The following PCDHGA3 variants were observed in gnomAD, a reference collection of about 807,000 sequenced individuals.
The protein encoded by PCDHGA3 is protocadherin gamma-A3.
A neutral mutation model predicts 58.5 loss-of-function variants in PCDHGA3; 40 were observed. The ratio of observed to expected loss-of-function variants is 0.68; its 90% CI spans 0.53 to 0.89. The LOEUF (loss-of-function observed/expected upper bound fraction) is 0.89, where lower values mean the gene tolerates loss of function less well. PCDHGA3 is among the 40% of genes least tolerant of loss of function. The pLI is 0.00. For synonymous variants in PCDHGA3, 530 were observed against 525.7 expected (o/e 1.01, Z -0.11); for missense variants, 1,223 against 1,195.9 (o/e 1.02, Z -0.33).
rs773048793 is a variant in PCDHGA3, at chr5:141,505,456, A to T, written c.2547A>T (p.Gln849His). The T allele has an allele frequency of 1.3e-5, 21 of 1,614,110 alleles. No homozygotes were observed. The highest frequency in any genetic ancestry group is 1.7e-5 in the Non-Finnish European group (20 of 1,180,044). The change falls in exon 3 of 4, where the codon CAA becomes CAT. Residue 849 changes from glutamine (Q) to histidine (H), a missense_variant. By Grantham distance (24) the Gln-to-His change is conservative (BLOSUM62 0). Coordinates refer to ENST00000253812, the MANE Select transcript of PCDHGA3 (RefSeq NM_018916.4). ...ACCAGTTTGACACAGAGATGCTGCA[A>T]GCCATGATCTTGGCGTCCGCCAGTG... ...PNNQFDTEML[Q>H]AMILASASEA...
rs1562137380 is a variant in PCDHGA3, at chr5:141,490,297, G to T, written c.2425-4510G>T. On this transcript the variant is annotated intron_variant, in intron 1 of 3. Coordinates refer to ENST00000253812, the MANE Select transcript of PCDHGA3 (RefSeq NM_018916.4). This position sits in a 1 kb window ranked among gnomAD's most constrained non-coding sequence, Gnocchi z 5.4. The stretch of plus-strand genomic sequence containing the variant: ...TGACAATGCCCCAGAGGTGCTATTG[G>T]CCTCTTTGGCCAACCCTGTCCTAGA... 2 of 1,614,202 alleles carry T rather than the reference G, an allele frequency of 1.2e-6. No individual in the cohort carries two copies. Among genetic ancestry groups the T allele is most frequent in the South Asian group, 1.1e-5 (1 of 91,086 alleles).
chr5:141,405,351 C>G, intron 1 of PCDHGA3: 1 of 1,614,080 alleles, frequency 6.2e-7, no homozygotes, highest in Non-Finnish European at 8.5e-7. Flanking sequence ...TCCAAGTTTC[C>G]TATAGAAGAC....
At chr5:141,450,898 C>T (rs929869116) in intron 1 of PCDHGA3, among the ~76,000 whole-genome samples, 12 of 150,412 alleles carry the variant, frequency 8.0e-5, no homozygotes, top group African/African-American at 2.9e-4. Context: ...GATATCGGCT[C>T]ACTGCAACCG....
chr5:141,356,836 G>A, intron 1 of PCDHGA3: 1 of 1,614,160 alleles, frequency 6.2e-7, no homozygotes, highest in Non-Finnish European at 8.5e-7. Context: ...CAGCAGCAAT[G>A]TGTCACTGAG....
chr5:141,449,693 G>A (rs2098652097), intron 1 of PCDHGA3, among the ~76,000 whole-genome samples: 1 of 150,164 alleles, frequency 6.7e-6, no homozygotes, highest in South Asian at 2.1e-4. Flanking sequence ...TTGTGTGTAT[G>A]TACACAAACA....
At position 141,345,822 on chromosome 5, in the gene PCDHGA3, G is replaced by A; in HGVS notation, c.1789G>A (p.Asp597Asn). The A allele has an allele frequency of 4.3e-6, 7 of 1,613,726 alleles. No homozygotes were observed. Among genetic ancestry groups the A allele is most frequent in the Non-Finnish European group, 5.9e-6 (7 of 1,180,008 alleles). Residue 597 changes from aspartate (D) to asparagine (N), a missense_variant, in exon 1 of 4, where the codon GAC becomes AAC. Asp to Asn is a conservative substitution (Grantham distance 23). Transcript: ENST00000253812. ...LVTKVVAVDR[D>N]SGQNAWLSYR... ...GACCAAGGTGGTGGCGGTGGACAGA[G>A]ACTCGGGCCAGAACGCCTGGCTGTC...
chr5:141,464,063 A>G (rs893270944), intron 1 of PCDHGA3, among the ~76,000 whole-genome samples: 2 of 152,016 alleles, frequency 1.3e-5, no homozygotes, highest in Non-Finnish European at 2.9e-5. Flanking sequence ...TCAGGAGTTC[A>G]AGGCCAGCCT....
rs760153018 is a variant in PCDHGA3, at chr5:141,344,534, G to A, written c.501G>A (p.Leu167=). ...ACCCAGATGTAGGCATTAACTCCCT[G>A]CAGAACTACAAGCTTAGCCCCAATG... ...AFDPDVGINS[L]QNYKLSPNDY... The change falls in exon 1 of 4, where the codon CTG becomes CTA. Residue 167 remains leucine, a synonymous_variant. Transcript: ENST00000253812. The A allele has an allele frequency of 2.5e-5, 40 of 1,613,862 alleles. No individual in the cohort carries two copies. The Middle Eastern group carries it at 4.9e-4, about 20-fold the overall frequency.
intron 1 of PCDHGA3, chr5:141,478,553 T>G (rs1593930915): frequency 6.2e-7 from 1 of 1,602,704 alleles, no homozygotes; most frequent in Non-Finnish European, 8.5e-7. Context: ...ACAGGTAAGG[T>G]TTAGCAAGTC....
At chr5:141,474,772 G>T (rs1053853138) in intron 1 of PCDHGA3, among the ~76,000 whole-genome samples, 1 of 152,182 alleles carries the variant, frequency 6.6e-6, no homozygotes, top group Non-Finnish European at 1.5e-5. Context: ...AATAGTATGA[G>T]GCTCTAACAC....
rs1243327893 is a variant in PCDHGA3, at chr5:141,491,671, C to A, written c.2425-3136C>A. 2.5e-6 allele frequency: 4 copies of A among 1,613,366 alleles called. No homozygotes were observed. Among genetic ancestry groups the A allele is most frequent in the Non-Finnish European group, 3.4e-6 (4 of 1,179,808 alleles). On this transcript the variant is annotated intron_variant, in intron 1 of 3. Coordinates refer to ENST00000253812, the MANE Select transcript of PCDHGA3 (RefSeq NM_018916.4). The surrounding 1 kb of genome is among the most constrained non-coding windows in gnomAD (Gnocchi z 6.9). Reference sequence around the variant, plus strand: ...GCTGGAGCCTGACGCCATCCGGTCCCGCTCTAATACGCTGCGGGAGCGGAG... The same window carrying A: ...GCTGGAGCCTGACGCCATCCGGTCCAGCTCTAATACGCTGCGGGAGCGGAG...
chr5:141,423,544 C>G, intron 1 of PCDHGA3: 1 of 1,613,744 alleles, frequency 6.2e-7, no homozygotes, highest in African/African-American at 1.3e-5. Flanking sequence ...GATTTTCCCC[C>G]AGCCCAACTA....
Position 141,505,350 on chromosome 5 carries a change from G to A in PCDHGA3, c.2484-43G>A, listed in dbSNP as rs367663588. ...AGAGGACAGGAGGGGCATGAGCTGT[G>A]CCGGCCTGGGAGTCTGTGCTCACCA... On this transcript the variant is annotated intron_variant, in intron 2 of 3. Transcript: ENST00000253812. The A allele has an allele frequency of 4.3e-6, 7 of 1,613,264 alleles. No homozygotes were observed. In the African/African-American group the frequency reaches 6.7e-5, roughly 15 times the overall value.
At chr5:141,427,422 G>C (rs922637577) in intron 1 of PCDHGA3, 1 of 468,292 alleles carries the variant, frequency 2.1e-6, no homozygotes, top group Non-Finnish European at 4.3e-6. Context: ...AAATGGGGAG[G>C]TTACATGCCT....
intron 1 of PCDHGA3, among the ~76,000 whole-genome samples, chr5:141,445,119 T>C (rs975225604): frequency 1.3e-5 from 2 of 152,270 alleles, no homozygotes; most frequent in African/African-American, 4.8e-5. Context: ...TTGTAAATAG[T>C]ATTTTTAAAA....
rs1385557537 is a variant in PCDHGA3 at position 141,415,739 on chromosome 5, GGTT to G, written c.2424+69283_2424+69285del. 2.0e-4 allele frequency: 88 copies of G among 435,112 alleles called. 2 individuals are homozygous for G. In the African/African-American group the frequency reaches 2.4e-3, roughly 12 times the overall value. 27.0% of individuals were successfully genotyped at this position (435,112 alleles called of 1,614,324 possible). A position where few individuals can be genotyped will look rare whatever the true frequency, so the allele number is the denominator to read the frequency against. On this transcript the variant is annotated intron_variant, in intron 1 of 3. Coordinates refer to ENST00000253812, the MANE Select transcript of PCDHGA3 (RefSeq NM_018916.4). ...ATGAGTAGAATTTGATGTTTATTAA[GGTT>G]TTTTTTTTTTTTTTTTTTTTTTTTT...
At chr5:141,372,341 A>T in intron 1 of PCDHGA3, 1 of 1,613,800 alleles carries the variant, frequency 6.2e-7, no homozygotes, top group Non-Finnish European at 8.5e-7. Context: ...TGCGTGATGG[A>T]GGACAGCAGC....
chr5:141,356,960 T>G, intron 1 of PCDHGA3: 1 of 1,614,210 alleles, frequency 6.2e-7, no homozygotes, highest in Non-Finnish European at 8.5e-7. Flanking sequence ...TCCGGCTACC[T>G]GGTGACCAAA....
intron 1 of PCDHGA3, among the ~76,000 whole-genome samples, chr5:141,469,951 T>C (rs1467717372): frequency 6.6e-6 from 1 of 152,034 alleles, no homozygotes; most frequent in African/African-American, 2.4e-5. Flanking sequence ...GCCAGCATGG[T>C]GAAACCCCAT....
Sources: allele counts gnomAD v4.1 joint callset (sites outside exome capture counted in the v4.1 genomes callset), GRCh38; gene constraint gnomAD v4.1.1; non-coding constraint Gnocchi (gnomAD v3.1); transcripts MANE v1.5; gene names NCBI Gene and HGNC (gene_info 2026-07-23, HGNC 2026-07-21).